The following DACH2 variants were observed in gnomAD, a reference collection of about 807,000 sequenced individuals.
The protein encoded by DACH2 is dachshund homolog 2.
Under a neutral mutation model 35.8 loss-of-function variants are expected in DACH2, and 17 were observed. The ratio of observed to expected loss-of-function variants is 0.48; its 90% confidence interval spans 0.33 to 0.71. The LOEUF is 0.71. Ranked by LOEUF, DACH2 falls within the 30% of genes least tolerant of loss-of-function variation. The pLI, the probability that DACH2 is intolerant of heterozygous loss-of-function variation, is 0.02. For synonymous variants in DACH2, 195 were observed against 177.3 expected (o/e 1.10, Z -0.79); for missense variants, 469 against 472.7 (o/e 0.99, Z 0.07).
At chrX:86,320,361 T>C (rs1291997452) in intron 1 of DACH2, among the ~76,000 whole-genome samples, 1 of 112,386 alleles carries the variant, frequency 8.9e-6, no homozygotes, top group African/African-American at 3.2e-5. Context: ...ACAGAGAATG[T>C]AAACAGTGAT....
chrX:86,821,579 T>C (rs2042512732), intron 11 of DACH2, among the ~76,000 whole-genome samples: 1 of 111,705 alleles, frequency 9.0e-6, no homozygotes, highest in Non-Finnish European at 1.9e-5. Flanking sequence ...TTATCCTGAC[T>C]GGTGGTACCT....
At chrX:86,247,400 A>G (rs1193962220) in intron 1 of DACH2, among the ~76,000 whole-genome samples, 1 of 111,576 alleles carries the variant, frequency 9.0e-6, no homozygotes, top group Non-Finnish European at 1.9e-5. Context: ...AAAAAAAGAG[A>G]AGACCCAAAT....
At chrX:86,473,512 C>T in intron 2 of DACH2, among the ~76,000 whole-genome samples, 1 of 111,207 alleles carries the variant, frequency 9.0e-6, no homozygotes, top group Non-Finnish European at 1.9e-5. Flanking sequence ...ACCTTCCTCC[C>T]CCATCACCCA....
intron 1 of DACH2, among the ~76,000 whole-genome samples, chrX:86,335,052 A>G (rs1275894563): frequency 1.8e-5 from 2 of 111,731 alleles, no homozygotes; most frequent in African/African-American, 6.5e-5. Flanking sequence ...CAGGTTTGTC[A>G]AAGATCAGAT....
At chrX:86,610,832 G>A (rs1248986520) in intron 3 of DACH2, among the ~76,000 whole-genome samples, 1 of 110,980 alleles carries the variant, frequency 9.0e-6, no homozygotes, top group African/African-American at 3.3e-5. Flanking sequence ...CTGGCCCAGG[G>A]CAGGTCCAGA....
intron 3 of DACH2, among the ~76,000 whole-genome samples, chrX:86,585,381 T>A (rs1208285963): frequency 9.0e-6 from 1 of 111,249 alleles, no homozygotes; most frequent in Non-Finnish European, 1.9e-5. Flanking sequence ...GTGGTTTAAT[T>A]AATTAATTAA....
At chrX:86,318,467 A>G (rs779378882) in intron 1 of DACH2, among the ~76,000 whole-genome samples, 1 of 111,798 alleles carries the variant, frequency 8.9e-6, no homozygotes, top group East Asian at 2.8e-4. Flanking sequence ...AAATGACAAA[A>G]TGTCCAGGGT....
intron 2 of DACH2, among the ~76,000 whole-genome samples, chrX:86,501,231 A>G (rs1455686535): frequency 8.9e-6 from 1 of 112,351 alleles, no homozygotes; most frequent in Non-Finnish European, 1.9e-5. Flanking sequence ...CCCAAGGTGA[A>G]ATCCTGTTGT....
chrX:86,761,383 T>A (rs923792832), intron 7 of DACH2, among the ~76,000 whole-genome samples: 25 of 111,980 alleles, frequency 2.2e-4, no homozygotes, highest in African/African-American at 8.1e-4. Flanking sequence ...CTCATTTTTT[T>A]AAGTGTGGAA....
At chrX:86,775,670 GA>G (rs1211347666) in intron 7 of DACH2, among the ~76,000 whole-genome samples, 1 of 111,658 alleles carries the variant, frequency 9.0e-6, no homozygotes, top group Non-Finnish European at 1.9e-5. Context: ...TTATTAAGCA[GA>G]ACAAAACAAT....
At chrX:86,729,960 T>C (rs777632963) in intron 6 of DACH2, among the ~76,000 whole-genome samples, 2 of 111,042 alleles carry the variant, frequency 1.8e-5, no homozygotes, top group African/African-American at 6.5e-5. Flanking sequence ...TATTTCTTTA[T>C]ATGAATGCAA....
chrX:86,592,805 A>C (rs1481274509), intron 3 of DACH2, among the ~76,000 whole-genome samples: 2 of 111,812 alleles, frequency 1.8e-5, no homozygotes, highest in Middle Eastern at 4.7e-3. Context: ...TTTGTTTTCA[A>C]GTTCAAATTT....
At chrX:86,589,347 C>T (rs1027142860) in intron 3 of DACH2, among the ~76,000 whole-genome samples, 6 of 109,503 alleles carry the variant, frequency 5.5e-5, no homozygotes, top group East Asian at 2.9e-4. Flanking sequence ...TTTTTTCTAG[C>T]GAATGGAAAA....
chrX:86,435,517 A>T (rs553358583), intron 2 of DACH2, among the ~76,000 whole-genome samples: 1 of 112,008 alleles, frequency 8.9e-6, no homozygotes, highest in East Asian at 2.8e-4. Context: ...AAATATTATG[A>T]TCCATTCAGT....
intron 3 of DACH2, among the ~76,000 whole-genome samples, chrX:86,629,724 T>TA (rs201747809): frequency 0.18 from 17,970 of 98,925 alleles, 1,481 homozygotes; most frequent in East Asian, 0.47. Context: ...CTCTGCAGAA[T>TA]AAAAAAAAAA....
chrX:86,792,303 A>G (rs1178930404), intron 7 of DACH2, among the ~76,000 whole-genome samples: 1 of 112,085 alleles, frequency 8.9e-6, no homozygotes, highest in Non-Finnish European at 1.9e-5. Flanking sequence ...CAAGCGTAGA[A>G]TGTGAAATGA....
intron 7 of DACH2, chrX:86,799,177 A>G: frequency 3.6e-6 from 1 of 275,847 alleles, no homozygotes; most frequent in South Asian, 4.2e-5. Flanking sequence ...GCACTGATCC[A>G]ACAACTTTTT....
chrX:86,505,527 C>A (rs1476285898), intron 2 of DACH2, among the ~76,000 whole-genome samples: 1 of 111,758 alleles, frequency 8.9e-6, no homozygotes, highest in East Asian at 2.8e-4. Flanking sequence ...TAAGTGAAAT[C>A]ATATGGTATT....
chrX:86,158,290 G>T (rs1038690335), intron 1 of DACH2, among the ~76,000 whole-genome samples: 2 of 110,219 alleles, frequency 1.8e-5, no homozygotes, highest in Admixed American at 9.7e-5. Flanking sequence ...GTGAGTATGG[G>T]TTTTTTTTGT....
Sources: allele counts gnomAD v4.1 joint callset (sites outside exome capture counted in the v4.1 genomes callset), GRCh38; gene constraint gnomAD v4.1.1; transcripts MANE v1.5; gene names NCBI Gene and HGNC (gene_info 2026-07-23, HGNC 2026-07-21).